NLRC3: variants seen among roughly 807,000 people sequenced by gnomAD.
NLRC3 encodes the protein NLR family CARD domain-containing protein 3.
Under a neutral mutation model 91.6 loss-of-function variants are expected in NLRC3, and 87 were observed. The observed-to-expected ratio is 0.95, with a 90% CI of 0.80 to 1.14. The LOEUF is 1.14. Among genes scored for constraint, NLRC3 ranks in the 50% most tolerant of loss-of-function variants. The probability of loss-of-function intolerance (pLI) is 0.00; values close to 1 mark genes in which losing one functional copy is unlikely to be tolerated. For missense variants in NLRC3, 1,577 were observed against 1,418.6 expected, an observed-to-expected ratio of 1.11 and a Z score of -1.79; for synonymous variants, 694 against 625.3, an observed-to-expected ratio of 1.11 and a Z score of -1.64.
At chr16:3,549,842 C>A in intron 11 of NLRC3, 62 bp from the exon 12 acceptor site, 1 of 1,255,094 alleles carries the variant, frequency 8.0e-7, no homozygotes, top group South Asian at 1.3e-5. Flanking sequence ...GCTGCCCTGT[C>A]CCAGTCTGGG....
intron 1 of NLRC3, among the ~76,000 whole-genome samples, chr16:3,572,842 G>T (rs779355815): frequency 1.3e-5 from 2 of 151,408 alleles, no homozygotes; most frequent in African/African-American, 4.9e-5. Flanking sequence ...GTGAAACCCC[G>T]TCTCTACTAA....
chr16:3,575,010 A>G (rs1286330407), intron 1 of NLRC3, among the ~76,000 whole-genome samples: 2 of 152,224 alleles, frequency 1.3e-5, no homozygotes, highest in Non-Finnish European at 2.9e-5. Context: ...AATTTCAGAT[A>G]AACGACATAT....
At position 3,563,040 on chromosome 16, in the gene NLRC3, G is replaced by T; in HGVS notation, c.1897C>A (p.Leu633Met). 1 of 1,557,996 alleles carries T rather than the reference G, an allele frequency of 6.4e-7. No homozygotes were observed. ...TTCCGGCAGTAGAGCAGCTGGGGCA[G>T]CAGGCTCTGAAGGACGCCCTGGCTG... ...SLSQGVLQSL[L>M]PQLLYCRKLR... The change falls in exon 5 of 20, where the codon CTG becomes ATG. Residue 633 changes from leucine to methionine, a missense_variant. Leu to Met is a conservative substitution (Grantham distance 15). Coordinates refer to ENST00000359128, the MANE Select transcript of NLRC3 (RefSeq NM_178844.4).
intron 1 of NLRC3, among the ~76,000 whole-genome samples, chr16:3,567,897 G>A (rs559137448): frequency 1.3e-4 from 20 of 150,466 alleles, no homozygotes; most frequent in Non-Finnish European, 2.7e-4. Context: ...GACGGAGTCT[G>A]CTGTGTTGCC....
rs373104014 is a variant in NLRC3, at chr16:3,549,220, C to T, written c.2525G>A (p.Arg842Gln). Residue 842 changes from arginine (R) to glutamine (Q), a missense_variant, in exon 13 of 20, where the codon CGA becomes CAA. By Grantham distance (43) the Arg-to-Gln change is conservative. Transcript: ENST00000359128. ...TNQTLLSLSL[R>Q]ENSISPEGAQ... ...TCCCTCGGGACTGATGGAGTTTTCT[C>T]GAAGGCTGAAAAAAAAGGAAAGACC... 2.7e-4 allele frequency: 431 copies of T among 1,578,032 alleles called. No homozygotes were observed. The African/African-American group carries it at 4.0e-3, about 14-fold the overall frequency.
At chr16:3,556,360 G>T (rs1009266058) in intron 8 of NLRC3, among the ~76,000 whole-genome samples, 5 of 111,562 alleles carry the variant, frequency 4.5e-5, no homozygotes, top group African/African-American at 1.6e-4. Context: ...AAAAAGAGAC[G>T]TAACAAACCA....
intron 5 of NLRC3, 122 bp from the exon 6 acceptor site, chr16:3,561,910 G>A (rs1286658299): frequency 1.6e-5 from 11 of 706,718 alleles, no homozygotes; most frequent in Non-Finnish European, 2.5e-5. Flanking sequence ...TCTGAGATCT[G>A]CGCTCAGCCC....
At chr16:3,543,155 C>A (rs1156991576) in intron 17 of NLRC3, 5 of 502,766 alleles carry the variant, frequency 9.9e-6, no homozygotes, top group Admixed American at 3.2e-5. Flanking sequence ...TTTGGATCTG[C>A]CCAGAGAACA....
chr16:3,564,896 A>C lies in NLRC3; in HGVS notation c.141T>G (p.Asp47Glu), dbSNP rs774846514. The C allele has an allele frequency of 1.9e-6, 3 of 1,610,020 alleles. No homozygotes were observed. Among genetic ancestry groups the C allele is most frequent in the Admixed American group, 1.7e-5 (1 of 59,936 alleles). ...SQGSQAPQALDRTPDAPLGPC... is the reference protein window; with the variant it reads ...SQGSQAPQALERTPDAPLGPC... Reference sequence around the variant, plus strand: ...GCCCCAGCGGGGCATCCGGTGTCCTATCCAGGGCCTGCGGGGCCTGGGAGC... The same window carrying C: ...GCCCCAGCGGGGCATCCGGTGTCCTCTCCAGGGCCTGCGGGGCCTGGGAGC... The change falls in exon 4 of 20, where the codon GAT becomes GAG. Residue 47 changes from aspartate to glutamate, a missense_variant. Physicochemically the swap from Asp to Glu is conservative, Grantham distance 45. Transcript: ENST00000359128. This position sits in a 1 kb window ranked among gnomAD's most constrained non-coding sequence, Gnocchi z 5.9.
intron 6 of NLRC3, among the ~76,000 whole-genome samples, chr16:3,559,979 G>T (rs1186667192): frequency 6.6e-6 from 1 of 151,988 alleles, no homozygotes; most frequent in East Asian, 1.9e-4. Flanking sequence ...CCCTCTTAAG[G>T]CACAGAAATG....
chr16:3,552,148 T>C (rs2039049993), intron 10 of NLRC3, 48 bp downstream of exon 10: 2 of 1,137,690 alleles, frequency 1.8e-6, no homozygotes, highest in Non-Finnish European at 2.7e-6. Flanking sequence ...GGGTTGGGCA[T>C]TGTGCTGGGC....
chr16:3,551,721 G>A lies in NLRC3; in HGVS notation c.2351+475C>T, dbSNP rs994851731. Among the ~76,000 whole-genome samples the A allele has an allele frequency of 9.6e-5, 9 of 93,540 alleles. No individual in the cohort carries two copies. The East Asian group carries it at 1.1e-3, about 12-fold the overall frequency. 61.4% of individuals were successfully genotyped at this position (93,540 alleles called of 152,430 possible). A position where few individuals can be genotyped will look rare whatever the true frequency, so the allele number is the denominator to read the frequency against. On this transcript the variant is annotated intron_variant, in intron 10 of 19. Coordinates refer to ENST00000359128, the MANE Select transcript of NLRC3 (RefSeq NM_178844.4). Reference sequence around the variant, plus strand: ...CATCCACTCAGTCATTCATCTACTCGTTCATTCAACCATCCATCCATCCAT... The same window carrying A: ...CATCCACTCAGTCATTCATCTACTCATTCATTCAACCATCCATCCATCCAT...
chr16:3,559,937 C>T (rs1354725267), intron 6 of NLRC3, among the ~76,000 whole-genome samples: 1 of 152,158 alleles, frequency 6.6e-6, no homozygotes, highest in Non-Finnish European at 1.5e-5. Flanking sequence ...GCCACCGCCC[C>T]TGGCCTAGAT....
At chr16:3,575,233 C>T (rs1422366967) in intron 1 of NLRC3, among the ~76,000 whole-genome samples, 3 of 152,274 alleles carry the variant, frequency 2.0e-5, no homozygotes, top group South Asian at 2.1e-4. Flanking sequence ...ATTGCCAGCA[C>T]CTCCCAGGAC....
At chr16:3,566,082 C>T (rs2039870620) in intron 2 of NLRC3, among the ~76,000 whole-genome samples, 1 of 136,444 alleles carries the variant, frequency 7.3e-6, no homozygotes, top group African/African-American at 2.8e-5. Context: ...TCTTCTTGCT[C>T]CTGAGTTAGA....
chr16:3,549,623 C>G, intron 12 of NLRC3, 74 bp downstream of exon 12: 1 of 1,137,014 alleles, frequency 8.8e-7, no homozygotes, highest in Non-Finnish European at 1.3e-6. Context: ...AGACAGGCTT[C>G]CCAGTGCCAA....
chr16:3,546,893 C>T (rs1292841751), intron 15 of NLRC3, among the ~76,000 whole-genome samples: 2 of 152,000 alleles, frequency 1.3e-5, no homozygotes, highest in Non-Finnish European at 2.9e-5. Context: ...AGGAGCCCTG[C>T]GCAGAAGAGC....
In NLRC3 at chr16:3,565,391, T is replaced by A. The variant is rs1293890198; in HGVS notation, c.-86-11A>T. The A allele has an allele frequency of 3.9e-6, 2 of 509,528 alleles. No homozygotes were observed. Among genetic ancestry groups the A allele is most frequent in the Non-Finnish European group, 7.4e-6 (2 of 269,514 alleles). The allele number at this position is 509,528 out of a possible 1,614,324, so 31.6% of individuals were successfully genotyped here. The stretch of plus-strand genomic sequence containing the variant: ...GTCTTCATTTGTGACCTGGAAATGA[T>A]GATGAGGTTACAAGTAAGTTTGCTC... On this transcript the variant is annotated splice_polypyrimidine_tract_variant and intron_variant, in intron 2 of 19. Transcript: ENST00000359128.
chr16:3,576,853 A>T (rs961092023), intron 1 of NLRC3, among the ~76,000 whole-genome samples: 4 of 152,056 alleles, frequency 2.6e-5, no homozygotes, highest in African/African-American at 9.7e-5. Flanking sequence ...TATTTTTAGT[A>T]GAGATGGGGT....
Sources: gnomAD v4.1 joint callset for allele counts (sites outside exome capture counted in the v4.1 genomes callset) on GRCh38, gnomAD v4.1.1 for gene constraint, Gnocchi (gnomAD v3.1) non-coding constraint, MANE v1.5 for transcripts, NCBI Gene and HGNC (gene_info 2026-07-23, HGNC 2026-07-21) for gene names.